The following PLCH2 variants were observed in gnomAD, a reference collection of about 807,000 sequenced individuals.
PLCH2 encodes the protein phospholipase C eta 2, also known as 1-phosphatidylinositol 4,5-bisphosphate phosphodiesterase eta-2.
A neutral mutation model predicts 134.7 loss-of-function variants in PLCH2; 98 were observed. The observed-to-expected ratio is 0.73, with a 90% confidence interval of 0.62 to 0.86. The LOEUF (loss-of-function observed/expected upper bound fraction) is 0.86, where lower values mean the gene tolerates loss of function less well. Among genes scored for constraint, PLCH2 ranks in the 40% least tolerant of loss-of-function variants. The probability of loss-of-function intolerance (pLI) is 0.00; values close to 1 mark genes in which losing one functional copy is unlikely to be tolerated. For synonymous variants in PLCH2, 974 were observed against 827.5 expected (o/e 1.18, Z -3.04); for missense variants, 1,994 against 1,986.6 (o/e 1.00, Z -0.07).
chr1:2,434,238 G>A (rs7554062), intron 2 of PLCH2, among the ~76,000 whole-genome samples: 40 of 152,336 alleles, frequency 2.6e-4, no homozygotes, highest in African/African-American at 4.8e-4. Flanking sequence ...AGGGGGCACC[G>A]CGCCTTCCCC....
At chr1:2,487,816 G>A (rs1401412168) in intron 8 of PLCH2, 98 bp downstream of exon 8, 1 of 1,210,400 alleles carries the variant, frequency 8.3e-7, no homozygotes, top group Non-Finnish European at 1.2e-6. Context: ...CCTTTCTTTG[G>A]GAGCAGTGAC....
chr1:2,453,994 G>A (rs1405503531), intron 2 of PLCH2, among the ~76,000 whole-genome samples: 1 of 152,120 alleles, frequency 6.6e-6, no homozygotes, highest in Non-Finnish European at 1.5e-5. Flanking sequence ...AGCCGAGTGT[G>A]TGGGGGCCTC....
rs536725588 is a variant in PLCH2, at chr1:2,498,527, G to T, written c.2229G>T (p.Val743=). ...ACCTCCCCGGCATCCCCTCAGGCGT[G>T]TTCAACCCCAACTCGGAGGACCCCC... is the stretch of plus-strand genomic sequence containing the variant. ...VLKPGCMCQG[V]FNPNSEDPLP... Residue 743 remains valine (V), a synonymous_variant, in exon 17 of 22, where the codon GTG becomes GTT. Transcript: ENST00000378486. The surrounding 1 kb of genome is among the most constrained non-coding windows in gnomAD (Gnocchi z 5.4). 6.2e-7 allele frequency: 1 copy of T among 1,608,028 alleles called. No homozygotes were observed.
At chr1:2,502,728 C>T (rs760026809) in intron 21 of PLCH2, 59 of 715,488 alleles carry the variant, frequency 8.2e-5, no homozygotes, top group South Asian at 4.2e-4. Flanking sequence ...AGGCAGGGTC[C>T]AGGCGGTAGC....
intron 15 of PLCH2, 131 bp downstream of exon 15, chr1:2,497,141 C>T (rs1297342814): frequency 1.9e-5 from 17 of 889,608 alleles, no homozygotes; most frequent in Non-Finnish European, 2.7e-5. Context: ...CTTGGAGCCT[C>T]CACACCTCTG....
At position 2,505,367 on chromosome 1, in the gene PLCH2, C is replaced by G. The variant is rs1027437539; in HGVS notation, c.*154C>G. ...CCTGCCTCCCTCCTGCCCCTGCTCC[C>G]GGGGAGGAAAGGCTAAAGCTGCTGG... is the stretch of plus-strand genomic sequence containing the variant. On this transcript the variant is annotated 3_prime_UTR_variant, in exon 22 of 22. Coordinates refer to ENST00000378486, the MANE Select transcript of PLCH2 (RefSeq NM_014638.4). 9 of 618,508 alleles carry G rather than the reference C, an allele frequency of 1.5e-5. No individual in the cohort carries two copies. Among genetic ancestry groups the G allele is most frequent in the African/African-American group, 3.8e-5 (2 of 52,244 alleles). The allele number at this position is 618,508 out of a possible 1,614,324, so 38.3% of individuals were successfully genotyped here.
rs191683380 is a variant in PLCH2 at position 2,455,870 on chromosome 1, G to A, written c.116-22606G>A. Among the ~76,000 whole-genome samples the A allele has an allele frequency of 4.8e-3, 730 of 152,330 alleles. 8 individuals carry two copies. Among genetic ancestry groups the A allele is most frequent in the African/African-American group, 0.015 (618 of 41,580 alleles). ...CCCTCCATACCTGTTGAGCCGTGCC[G>A]TGGGTGGAGGTGAGCATCCCGCGGG... On this transcript the variant is annotated intron_variant, in intron 2 of 3. Transcript: ENST00000609981.
chr1:2,499,010 C>G, intron 18 of PLCH2, 74 bp from the exon 19 acceptor site: 2 of 1,525,380 alleles, frequency 1.3e-6, no homozygotes. Context: ...TGGTGTGGGC[C>G]GGGGGCTCCA....
chr1:2,484,077 T>C (rs534655980), intron 4 of PLCH2, among the ~76,000 whole-genome samples: 4 of 144,936 alleles, frequency 2.8e-5, no homozygotes, highest in African/African-American at 5.2e-5. Context: ...GTGTGGGGGG[T>C]GTTGACTGCT....
At chr1:2,419,322 C>G in the PLCH2 span, among the ~76,000 whole-genome samples, 4 of 152,236 alleles carry the variant, frequency 2.6e-5, no homozygotes, top group African/African-American at 9.6e-5. Context: ...CCTCAGCACC[C>G]CTGGCTCAGC....
intron 19 of PLCH2, 117 bp downstream of exon 19, chr1:2,499,347 A>C: frequency 8.0e-7 from 1 of 1,253,528 alleles, no homozygotes; most frequent in Admixed American, 2.1e-5. Flanking sequence ...GGCACCAAAG[A>C]GACAGGAGCT....
upstream of PLCH2, among the ~76,000 whole-genome samples, chr1:2,474,884 C>T (rs1641529984): frequency 6.6e-6 from 1 of 152,188 alleles, no homozygotes; most frequent in African/African-American, 2.4e-5. Flanking sequence ...ACCTCCTGGC[C>T]CCTGCGCTGC....
chr1:2,433,413 C>G (rs1639164644), intron 2 of PLCH2, among the ~76,000 whole-genome samples: 1 of 152,168 alleles, frequency 6.6e-6, no homozygotes, highest in Admixed American at 6.5e-5. Context: ...CCGGTGTGCT[C>G]CTGTCCCCTG....
At chr1:2,464,244 C>T (rs534830373), upstream of PLCH2, among the ~76,000 whole-genome samples, 3 of 152,328 alleles carry the variant, frequency 2.0e-5, no homozygotes, top group East Asian at 1.9e-4. Flanking sequence ...TCACGAGCTT[C>T]TCCCCTCCCC....
intron 2 of PLCH2, among the ~76,000 whole-genome samples, chr1:2,450,774 G>T (rs1422006989): frequency 8.5e-6 from 1 of 117,448 alleles, no homozygotes; most frequent in African/African-American, 3.3e-5. Flanking sequence ...CCAGGTTCCA[G>T]ACCCTTGGAC....
intron 2 of PLCH2, among the ~76,000 whole-genome samples, chr1:2,462,342 C>CCCCCTCTGCCTGACAG (rs1305199020): frequency 7.4e-6 from 1 of 134,372 alleles, no homozygotes; most frequent in East Asian, 2.2e-4. Flanking sequence ...CTGCCTGACA[C>CCCCCTCTGCCTGACAG]CCCCTCTGCC....
chr1:2,456,562 G>A (rs1199626108), intron 2 of PLCH2, among the ~76,000 whole-genome samples: 2 of 152,216 alleles, frequency 1.3e-5, no homozygotes, highest in African/African-American at 2.4e-5. Flanking sequence ...GTCCTGTGCA[G>A]CCCCCGCCCC....
intron 2 of PLCH2, among the ~76,000 whole-genome samples, chr1:2,432,846 T>A (rs1255820621): frequency 6.6e-6 from 1 of 152,176 alleles, no homozygotes; most frequent in East Asian, 1.9e-4. Flanking sequence ...TCACAGGAGC[T>A]GCCCCTGGGA....
At chr1:2,471,070 G>A (rs1641302648) in intron 1 of PLCH2, among the ~76,000 whole-genome samples, 1 of 152,088 alleles carries the variant, frequency 6.6e-6, no homozygotes, top group South Asian at 2.1e-4. Flanking sequence ...GTGGGGGGAG[G>A]AAGCTGTGAA....
Sources: allele counts gnomAD v4.1 joint callset (sites outside exome capture counted in the v4.1 genomes callset), GRCh38; gene constraint gnomAD v4.1.1; non-coding constraint Gnocchi (gnomAD v3.1); transcripts MANE v1.5; gene names NCBI Gene and HGNC (gene_info 2026-07-23, HGNC 2026-07-21).